Variants in LRRC1 observed in about 807,000 individuals in gnomAD.
LRRC1 encodes the protein leucine rich repeat containing 1.
LRRC1 carries 28 observed loss-of-function variants against 69.9 expected under a neutral mutation model. The ratio of observed to expected loss-of-function variants is 0.40; its 90% CI spans 0.30 to 0.55. The LOEUF is 0.55. Ranked by LOEUF, LRRC1 falls within the 20% of genes least tolerant of loss-of-function variation. The pLI is 0.47. For synonymous variants in LRRC1, 236 were observed against 240.2 expected (o/e 0.98, Z 0.16); for missense variants, 498 against 609.0 (o/e 0.82, Z 1.92).
intron 1 of LRRC1, among the ~76,000 whole-genome samples, chr6:53,815,737 T>A (rs1412497688): frequency 6.6e-6 from 1 of 152,260 alleles, no homozygotes; most frequent in African/African-American, 2.4e-5. Flanking sequence ...TGCGTTCACT[T>A]GTGAAGAGTT....
rs1177490218 is a variant in LRRC1 at position 53,795,213 on chromosome 6, G to T, written c.-44G>T. On this transcript the variant is annotated 5_prime_UTR_variant, in exon 1 of 14. Transcript: ENST00000370888. ...CGGCCAGAGCGGGCTCGGAGCCCGG[G>T]TCTCCGCCGCTCGGGACCCGGCTAG... The T allele has an allele frequency of 6.5e-7, 1 of 1,547,358 alleles. No homozygotes were observed. The highest frequency in any genetic ancestry group is 1.2e-5 in the South Asian group (1 of 83,420).
chr6:53,885,695 C>G (rs1474144678), intron 4 of LRRC1, among the ~76,000 whole-genome samples: 1 of 152,132 alleles, frequency 6.6e-6, no homozygotes, highest in East Asian at 1.9e-4. Flanking sequence ...GGACTTGGGC[C>G]TCCTCAGGAT....
chr6:53,863,432 GT>G (rs1191995994), intron 2 of LRRC1, among the ~76,000 whole-genome samples: 1 of 152,200 alleles, frequency 6.6e-6, no homozygotes, highest in Non-Finnish European at 1.5e-5. Context: ...TTCTTACACT[GT>G]TCCAGGTCTT....
chr6:53,874,865 C>T (rs528281723), intron 2 of LRRC1, among the ~76,000 whole-genome samples: 8 of 152,062 alleles, frequency 5.3e-5, no homozygotes, highest in Non-Finnish European at 1.2e-4. Context: ...AGTTTTCTAT[C>T]AAGAAAGGAA....
intron 3 of LRRC1, among the ~76,000 whole-genome samples, chr6:53,881,891 A>G (rs751967133): frequency 6.6e-6 from 1 of 152,234 alleles, no homozygotes; most frequent in Non-Finnish European, 1.5e-5. Flanking sequence ...AGAAATATTG[A>G]AACTAAACTT....
chr6:53,879,943 T>G (rs1767228080), intron 3 of LRRC1, among the ~76,000 whole-genome samples: 1 of 152,218 alleles, frequency 6.6e-6, no homozygotes, highest in South Asian at 2.1e-4. Context: ...GCATCTGTTT[T>G]AGATGTCTCT....
intron 2 of LRRC1, among the ~76,000 whole-genome samples, chr6:53,852,304 T>A (rs189868448): frequency 6.6e-6 from 1 of 152,346 alleles, no homozygotes; most frequent in East Asian, 1.9e-4. Flanking sequence ...TCTATCATCT[T>A]TCATTTTGGA....
At chr6:53,833,438 A>T (rs1765489953) in intron 1 of LRRC1, among the ~76,000 whole-genome samples, 1 of 152,252 alleles carries the variant, frequency 6.6e-6, no homozygotes, top group Admixed American at 6.5e-5. Flanking sequence ...CCTTGGAAAC[A>T]TTAAAATATA....
intron 2 of LRRC1, among the ~76,000 whole-genome samples, chr6:53,864,422 T>G (rs1412595295): frequency 2.6e-5 from 4 of 152,158 alleles, no homozygotes; most frequent in Non-Finnish European, 5.9e-5. Context: ...CCTCCAGCAT[T>G]TTTGACTCCT....
chr6:53,888,159 T>C (rs964987937), intron 4 of LRRC1, among the ~76,000 whole-genome samples: 1 of 152,188 alleles, frequency 6.6e-6, no homozygotes, highest in African/African-American at 2.4e-5. Context: ...CAGTTTCTAC[T>C]CAAGCCACAC....
At chr6:53,828,179 A>AG (rs1765327981) in intron 1 of LRRC1, among the ~76,000 whole-genome samples, 1 of 151,902 alleles carries the variant, frequency 6.6e-6, no homozygotes, top group African/African-American at 2.4e-5. Context: ...CAAAAAAAAA[A>AG]AAAAAAGAAA....
At chr6:53,857,748 C>G (rs1474143655) in intron 2 of LRRC1, among the ~76,000 whole-genome samples, 1 of 152,206 alleles carries the variant, frequency 6.6e-6, no homozygotes, top group African/African-American at 2.4e-5. Context: ...AAAAGTGGTT[C>G]ACAGCCCACA....
chr6:53,805,270 G>A (rs554827041), intron 1 of LRRC1, among the ~76,000 whole-genome samples: 13 of 152,278 alleles, frequency 8.5e-5, no homozygotes, highest in Non-Finnish European at 1.6e-4. Context: ...CAGTGCTGCC[G>A]GGCTTTGACA....
intron 1 of LRRC1, among the ~76,000 whole-genome samples, chr6:53,837,400 G>A (rs1312429987): frequency 6.6e-6 from 1 of 152,194 alleles, no homozygotes; most frequent in African/African-American, 2.4e-5. Context: ...TGACCAAAAA[G>A]GCAGTCTAGG....
intron 1 of LRRC1, among the ~76,000 whole-genome samples, chr6:53,809,625 A>G (rs1338598288): frequency 6.6e-6 from 1 of 152,216 alleles, no homozygotes; most frequent in East Asian, 1.9e-4. Context: ...TTTAGTTTTT[A>G]AAAAGTTTAT....
intron 2 of LRRC1, among the ~76,000 whole-genome samples, chr6:53,854,640 A>G (rs772525444): frequency 6.6e-6 from 1 of 152,168 alleles, no homozygotes; most frequent in Non-Finnish European, 1.5e-5. Flanking sequence ...GTGAATTGGT[A>G]TTTTGTCTCA....
At chr6:53,828,139 T>C (rs1450495714) in intron 1 of LRRC1, among the ~76,000 whole-genome samples, 4 of 143,264 alleles carry the variant, frequency 2.8e-5, no homozygotes, top group African/African-American at 7.9e-5. Context: ...TAGAACCCAT[T>C]GGAGAGTTGG....
chr6:53,833,961 T>G (rs1279172195), intron 1 of LRRC1, among the ~76,000 whole-genome samples: 1 of 152,236 alleles, frequency 6.6e-6, no homozygotes, highest in Non-Finnish European at 1.5e-5. Flanking sequence ...CTATGAAAAT[T>G]GTTCAGCATT....
chr6:53,849,818 A>G (rs1309106901), intron 2 of LRRC1, among the ~76,000 whole-genome samples: 4 of 152,220 alleles, frequency 2.6e-5, no homozygotes, highest in Admixed American at 1.3e-4. Context: ...TTTTAAAAAC[A>G]TAGTGGTGTG....
Sources: gnomAD v4.1 joint callset for allele counts (sites outside exome capture counted in the v4.1 genomes callset) on GRCh38, gnomAD v4.1.1 for gene constraint, MANE v1.5 for transcripts, NCBI Gene and HGNC (gene_info 2026-07-23, HGNC 2026-07-21) for gene names.